PDZRN4: variants seen among roughly 807,000 people sequenced by gnomAD.
PDZRN4 encodes the protein PDZ domain containing ring finger 4.
In PDZRN4, 70 loss-of-function variants were observed where a neutral mutation model predicts 99.0. That is an observed-to-expected ratio of 0.71 (90% CI 0.58 to 0.86). PDZRN4 has a LOEUF of 0.86. PDZRN4 is among the 40% of genes least tolerant of loss of function. The probability of loss-of-function intolerance (pLI) is 0.00; values close to 1 mark genes in which losing one functional copy is unlikely to be tolerated. For missense variants in PDZRN4, 1,474 were observed against 1,331.2 expected, an observed-to-expected ratio of 1.11 and a Z score of -1.67; for synonymous variants, 551 against 501.6, an observed-to-expected ratio of 1.10 and a Z score of -1.32.
rs1952857415 is a variant in PDZRN4, at chr12:41,460,150, T to G, written c.844-46306T>G. On this transcript the variant is annotated intron_variant, in intron 3 of 9. Transcript: ENST00000402685. ...CTACCACATGTTTTTACTGTTACCT[T>G]TTTATGTATATATTGGTTGCACGTT... 10 of 1,097,036 alleles carry G rather than the reference T, an allele frequency of 9.1e-6. No homozygotes were observed. In the South Asian group the frequency reaches 1.5e-4, roughly 16 times the overall value. 68.0% of individuals were successfully genotyped at this position (1,097,036 alleles called of 1,614,324 possible).
At chr12:41,289,130 G>A (rs1254034674) in intron 3 of PDZRN4, among the ~76,000 whole-genome samples, 3 of 151,930 alleles carry the variant, frequency 2.0e-5, no homozygotes, top group Non-Finnish European at 4.4e-5. Context: ...CAAAACTTCA[G>A]CCCTTTCTTT....
In PDZRN4 at chr12:41,369,389, G is replaced by A. The variant is rs537988079; in HGVS notation, c.844-137067G>A. Among the ~76,000 whole-genome samples, 5 of 151,948 alleles carry A rather than the reference G, an allele frequency of 3.3e-5. No individual in the cohort carries two copies. The South Asian group carries it at 1.0e-3, about 32-fold the overall frequency. On this transcript the variant is annotated intron_variant, in intron 3 of 9. Coordinates refer to ENST00000402685, the MANE Select transcript of PDZRN4 (RefSeq NM_001164595.2). ...AGTCAAGTGGATATATGATCAATAC[G>A]GTTACCTTTTCCTCTTGTACTGTTC...
chr12:41,465,891 G>GTT lies in PDZRN4; in HGVS notation c.844-40557_844-40556dup, dbSNP rs533918532. 1.7e-4 allele frequency among the ~76,000 whole-genome samples: 25 copies of GTT among 150,974 alleles called. No individual in the cohort carries two copies. The South Asian group carries it at 5.0e-3, about 30-fold the overall frequency. On this transcript the variant is annotated intron_variant, in intron 3 of 9. Coordinates refer to ENST00000402685, the MANE Select transcript of PDZRN4 (RefSeq NM_001164595.2). Reference sequence around the variant, plus strand: ...AAAATATACACATTACTGTTTCAGTGTTTTTTTTTAATAGCCTTGGTTTCA... The same window carrying GTT: ...AAAATATACACATTACTGTTTCAGTGTTTTTTTTTTTAATAGCCTTGGTTTCA...
chr12:41,367,403 G>A (rs1157444261), intron 3 of PDZRN4, among the ~76,000 whole-genome samples: 1 of 152,044 alleles, frequency 6.6e-6, no homozygotes, highest in African/African-American at 2.4e-5. Context: ...CAACTACTCA[G>A]GAGGCTGAGG....
intron 3 of PDZRN4, among the ~76,000 whole-genome samples, chr12:41,464,212 A>G (rs1000004020): frequency 1.3e-5 from 2 of 152,166 alleles, no homozygotes; most frequent in Non-Finnish European, 2.9e-5. Context: ...CATTCCACAG[A>G]TGATAAAACT....
At chr12:41,303,363 C>T (rs553406495) in intron 3 of PDZRN4, among the ~76,000 whole-genome samples, 3 of 152,264 alleles carry the variant, frequency 2.0e-5, no homozygotes, top group African/African-American at 7.2e-5. Flanking sequence ...GTGGTTTGAT[C>T]ACAGTTATGT....
At position 41,574,560 on chromosome 12, in the gene PDZRN4, A is replaced by T. The variant is rs1408074429; in HGVS notation, c.*670A>T. 6.5e-6 allele frequency: 1 copy of T among 152,684 alleles called. No individual in the cohort carries two copies. Among genetic ancestry groups the T allele is most frequent in the African/African-American group, 2.4e-5 (1 of 41,468 alleles). The allele number at this position is 152,684 out of a possible 1,614,324, so 9.5% of individuals were successfully genotyped here. A position where few individuals can be genotyped will look rare whatever the true frequency, so the allele number is the denominator to read the frequency against. On this transcript the variant is annotated 3_prime_UTR_variant, in exon 10 of 10. Transcript: ENST00000402685. ...TGGTAATTGTGACAATTAAAGAGAAATAAATTATTGATTATCCTTCAGAAA... is the reference window on the plus strand; with the variant it reads ...TGGTAATTGTGACAATTAAAGAGAATTAAATTATTGATTATCCTTCAGAAA...
intron 3 of PDZRN4, among the ~76,000 whole-genome samples, chr12:41,449,484 A>G (rs1952756969): frequency 6.6e-6 from 1 of 152,186 alleles, no homozygotes; most frequent in East Asian, 1.9e-4. Context: ...GATGAAGGTG[A>G]CACAATAGCA....
intron 5 of PDZRN4, among the ~76,000 whole-genome samples, chr12:41,523,761 T>C (rs961115318): frequency 2.0e-4 from 30 of 152,218 alleles, no homozygotes; most frequent in African/African-American, 7.0e-4. Flanking sequence ...CTCTGAAAGC[T>C]GAAAACTGAA....
At chr12:41,342,579 GACCA>G in intron 3 of PDZRN4, among the ~76,000 whole-genome samples, 1 of 3,774 alleles carries the variant, frequency 2.6e-4, no homozygotes, top group Non-Finnish European at 2.0e-3. Flanking sequence ...ACAAACAAAT[GACCA>G]ACTGACCAAC....
intron 3 of PDZRN4, among the ~76,000 whole-genome samples, chr12:41,351,833 A>T (rs1951892187): frequency 6.6e-6 from 1 of 151,954 alleles, no homozygotes; most frequent in African/African-American, 2.4e-5. Context: ...TTGAAGTAGG[A>T]GAAGTATTTT....
intron 3 of PDZRN4, among the ~76,000 whole-genome samples, chr12:41,321,525 C>G (rs748960161): frequency 2.0e-5 from 3 of 152,158 alleles, no homozygotes; most frequent in African/African-American, 4.8e-5. Context: ...AAAGTAAAAA[C>G]TAACCCAATA....
intron 3 of PDZRN4, among the ~76,000 whole-genome samples, chr12:41,373,671 C>T (rs1335750596): frequency 6.6e-6 from 1 of 151,920 alleles, no homozygotes; most frequent in Non-Finnish European, 1.5e-5. Flanking sequence ...ACAATTTGTG[C>T]AGTTAATGCA....
chr12:41,418,257 T>G (rs1004021447), intron 3 of PDZRN4, among the ~76,000 whole-genome samples: 1 of 152,176 alleles, frequency 6.6e-6, no homozygotes, highest in African/African-American at 2.4e-5. Context: ...CTTGGAAACA[T>G]TGTTTTCATT....
intron 2 of PDZRN4, 145 bp downstream of exon 2, chr12:41,191,689 T>A: frequency 2.0e-6 from 1 of 491,098 alleles, no homozygotes; most frequent in Non-Finnish European, 3.5e-6. Flanking sequence ...TTTAAAATTA[T>A]ACTTGTGATC....
intron 5 of PDZRN4, among the ~76,000 whole-genome samples, chr12:41,549,404 A>T (rs187750156): frequency 2.6e-4 from 40 of 152,328 alleles, no homozygotes; most frequent in African/African-American, 9.4e-4. Flanking sequence ...TACAAACAAA[A>T]TTGTCTACAG....
intron 3 of PDZRN4, among the ~76,000 whole-genome samples, chr12:41,196,535 C>G (rs1283422610): frequency 6.6e-6 from 1 of 151,946 alleles, no homozygotes; most frequent in African/African-American, 2.4e-5. Context: ...ATTGCTCTTG[C>G]TTAGTTGTTC....
At chr12:41,234,151 C>A (rs1951050036) in intron 3 of PDZRN4, among the ~76,000 whole-genome samples, 1 of 151,674 alleles carries the variant, frequency 6.6e-6, no homozygotes, top group African/African-American at 2.4e-5. Flanking sequence ...TCCTTTAAAC[C>A]CCCCAATTTA....
At chr12:41,358,724 G>C (rs1276763452) in intron 3 of PDZRN4, among the ~76,000 whole-genome samples, 1 of 151,904 alleles carries the variant, frequency 6.6e-6, no homozygotes, top group Admixed American at 6.6e-5. Flanking sequence ...GTTTTCCTTT[G>C]ACGCTAAAGC....
Sources: gnomAD v4.1 joint callset for allele counts (sites outside exome capture counted in the v4.1 genomes callset) on GRCh38, gnomAD v4.1.1 for gene constraint, MANE v1.5 for transcripts, NCBI Gene and HGNC (gene_info 2026-07-23, HGNC 2026-07-21) for gene names.